Variants in VPS13C observed in about 807,000 individuals in gnomAD.
The protein encoded by VPS13C is intermembrane lipid transfer protein VPS13C.
Under a neutral mutation model 456.8 loss-of-function variants are expected in VPS13C, and 358 were observed. The ratio of observed to expected loss-of-function variants is 0.78; its 90% CI spans 0.72 to 0.86. The LOEUF (loss-of-function observed/expected upper bound fraction) is 0.86, where lower values mean the gene tolerates loss of function less well. Ranked by LOEUF, VPS13C falls within the 40% of genes least tolerant of loss-of-function variation. VPS13C has a pLI of 0.00. For missense variants in VPS13C, 4,818 were observed against 4,385.4 expected, an observed-to-expected ratio of 1.10 and a Z score of -2.79; for synonymous variants, 1,578 against 1,486.7, an observed-to-expected ratio of 1.06 and a Z score of -1.41.
chr15:61,955,517 G>A (rs1402548283), intron 37 of VPS13C, among the ~76,000 whole-genome samples: 8 of 152,086 alleles, frequency 5.3e-5, no homozygotes, highest in African/African-American at 1.4e-4. Flanking sequence ...ACAGAAAGCC[G>A]CTAATGTTAA....
intron 68 of VPS13C, 62 bp from the exon 69 acceptor site, chr15:61,882,798 TA>T: frequency 6.9e-7 from 1 of 1,440,592 alleles, no homozygotes. Context: ...ATTCCATTTT[TA>T]ATATCTGTTT....
chr15:61,893,938 A>G (rs561653289), intron 66 of VPS13C, among the ~76,000 whole-genome samples: 86 of 152,258 alleles, frequency 5.6e-4, no homozygotes, highest in African/African-American at 1.9e-3. Flanking sequence ...AACTAAAAAC[A>G]TACTGTCAGA....
At chr15:61,903,164 G>GA (rs936996282) in intron 66 of VPS13C, among the ~76,000 whole-genome samples, 28 of 150,742 alleles carry the variant, frequency 1.9e-4, no homozygotes, top group Non-Finnish European at 3.1e-4. Context: ...CGTCTCTACA[G>GA]AAAAAAAACA....
chr15:61,862,174 GAAAGGAAAGGGA>G (rs1399648992), intron 82 of VPS13C, among the ~76,000 whole-genome samples: 1 of 148,512 alleles, frequency 6.7e-6, no homozygotes, highest in Non-Finnish European at 1.5e-5. Flanking sequence ...AAAGGAAAAG[GAAAGGAAAGGGA>G]AAAGGAAAGG....
chr15:61,880,787 A>C lies in VPS13C; in HGVS notation c.9888+56T>G. 3 of 1,546,314 alleles carry C rather than the reference A, an allele frequency of 1.9e-6. No individual in the cohort carries two copies. In the South Asian group the frequency reaches 3.7e-5, roughly 19 times the overall value. ...TTCTCTATTAGAATTCGTTCAAAAG[A>C]GGCTGATTTAAATTTTGTTAATTTT... On this transcript the variant is annotated intron_variant, in intron 72 of 84. Coordinates refer to ENST00000644861, the MANE Select transcript of VPS13C (RefSeq NM_020821.3).
At chr15:61,960,141 GA>G (rs1263435239) in intron 35 of VPS13C, among the ~76,000 whole-genome samples, 4 of 152,086 alleles carry the variant, frequency 2.6e-5, no homozygotes, top group Admixed American at 1.3e-4. Context: ...GAGCACTGAA[GA>G]TACAAAATAA....
At chr15:62,039,622 AT>A (rs1224033126) in intron 3 of VPS13C, among the ~76,000 whole-genome samples, 1 of 152,174 alleles carries the variant, frequency 6.6e-6, no homozygotes, top group Non-Finnish European at 1.5e-5. Flanking sequence ...TCAACATCAC[AT>A]CATCACAGAA....
chr15:62,033,734 AAAG>A (rs986802306), intron 4 of VPS13C, among the ~76,000 whole-genome samples, 192 bp from the exon 5 acceptor site: 8 of 151,900 alleles, frequency 5.3e-5, no homozygotes, highest in African/African-American at 1.7e-4. Context: ...TGAAATACAA[AAAG>A]AAGGAGGGAA....
intron 28 of VPS13C, among the ~76,000 whole-genome samples, chr15:61,968,848 T>A (rs2045460973): frequency 6.6e-6 from 1 of 152,130 alleles, no homozygotes; most frequent in South Asian, 2.1e-4. Flanking sequence ...AGATAAACTC[T>A]TAAGTTTTGT....
chr15:62,053,383 C>T (rs1197581367), intron 1 of VPS13C, among the ~76,000 whole-genome samples: 1 of 152,214 alleles, frequency 6.6e-6, no homozygotes, highest in African/African-American at 2.4e-5. Flanking sequence ...CAGTATATTA[C>T]ACTTGGACCC....
intron 9 of VPS13C, among the ~76,000 whole-genome samples, chr15:62,015,822 T>C (rs1340651039): frequency 2.9e-5 from 4 of 139,126 alleles, no homozygotes; most frequent in Non-Finnish European, 1.6e-5. Context: ...TTGGGAGATA[T>C]ACCTAATGCT....
At chr15:62,006,447 T>C (rs2046849024) in intron 15 of VPS13C, among the ~76,000 whole-genome samples, 1 of 152,230 alleles carries the variant, frequency 6.6e-6, no homozygotes, top group Admixed American at 6.5e-5. Flanking sequence ...TCATTTTTTA[T>C]GGCTGCATAG....
chr15:61,924,016 C>A (rs2043754394), intron 53 of VPS13C, among the ~76,000 whole-genome samples: 1 of 150,558 alleles, frequency 6.6e-6, no homozygotes, highest in Non-Finnish European at 1.5e-5. Context: ...CAGGCGCCCG[C>A]CACTACGCCC....
chr15:61,859,584 C>A (rs1282284761), intron 82 of VPS13C, among the ~76,000 whole-genome samples: 1 of 152,146 alleles, frequency 6.6e-6, no homozygotes, highest in Non-Finnish European at 1.5e-5. Context: ...GCAAGAGCTA[C>A]ATACTCAAGA....
intron 76 of VPS13C, among the ~76,000 whole-genome samples, chr15:61,875,368 C>T (rs1895339753): frequency 6.6e-6 from 1 of 151,896 alleles, no homozygotes; most frequent in Non-Finnish European, 1.5e-5. Flanking sequence ...GCTGCTAGAC[C>T]CTTTAAATGG....
intron 67 of VPS13C, among the ~76,000 whole-genome samples, chr15:61,889,267 A>G (rs1022049678): frequency 1.3e-5 from 2 of 152,138 alleles, no homozygotes; most frequent in Non-Finnish European, 2.9e-5. Flanking sequence ...TTTAGTTTAA[A>G]AATATCATAT....
chr15:62,056,661 A>G (rs941354642), intron 1 of VPS13C, among the ~76,000 whole-genome samples: 1 of 152,122 alleles, frequency 6.6e-6, no homozygotes, highest in Non-Finnish European at 1.5e-5. Context: ...GCCCGCAGTT[A>G]TCCGGAGGCC....
Position 61,931,076 on chromosome 15 carries a change from C to G in VPS13C, c.6038+14G>C. Reference sequence around the variant, plus strand: ...AACCTTAAATAATGTATTGCAAACTCAGAGCTGACAAACCTCGATGTTGCT... The same window carrying G: ...AACCTTAAATAATGTATTGCAAACTGAGAGCTGACAAACCTCGATGTTGCT... On this transcript the variant is annotated intron_variant, in intron 50 of 84. Transcript: ENST00000644861. 1 of 1,613,758 alleles carries G rather than the reference C, an allele frequency of 6.2e-7. No individual in the cohort carries two copies. Among genetic ancestry groups the G allele is most frequent in the South Asian group, 1.1e-5 (1 of 91,072 alleles).
intron 1 of VPS13C, among the ~76,000 whole-genome samples, chr15:62,058,490 A>C (rs781220250): frequency 1.3e-5 from 2 of 152,186 alleles, no homozygotes; most frequent in Non-Finnish European, 2.9e-5. Context: ...TTCAGCAATA[A>C]AAAAATGCAA....
Sources: gnomAD v4.1 joint callset for allele counts (sites outside exome capture counted in the v4.1 genomes callset) on GRCh38, gnomAD v4.1.1 for gene constraint, MANE v1.5 for transcripts, NCBI Gene and HGNC (gene_info 2026-07-23, HGNC 2026-07-21) for gene names.